The following ZNF398 variants were observed in gnomAD, a reference collection of about 807,000 sequenced individuals.
ZNF398 encodes zinc finger DNA binding protein ZER6.
A neutral mutation model predicts 41.9 loss-of-function variants in ZNF398; 18 were observed. The observed-to-expected ratio is 0.43, with a 90% CI of 0.30 to 0.64. ZNF398 has a LOEUF of 0.64. ZNF398 is among the 30% of genes least tolerant of loss of function. ZNF398 has a pLI of 0.14. For synonymous variants in ZNF398, 260 were observed against 308.8 expected (o/e 0.84, Z 1.66); for missense variants, 669 against 822.8 (o/e 0.81, Z 2.29).
At chr7:149,165,436 C>T (rs948644157) in intron 2 of ZNF398, among the ~76,000 whole-genome samples, 1 of 152,234 alleles carries the variant, frequency 6.6e-6, no homozygotes. Context: ...GGAAATCTTG[C>T]CGTGAAAACA....
chr7:149,160,526 A>G (rs987748127), intron 2 of ZNF398, among the ~76,000 whole-genome samples: 4 of 152,142 alleles, frequency 2.6e-5, no homozygotes, highest in Non-Finnish European at 4.4e-5. Context: ...TGTTTTCTCC[A>G]TTCCCATTAG....
At chr7:149,163,385 T>TTTTTTG (rs1246818725) in intron 2 of ZNF398, among the ~76,000 whole-genome samples, 2 of 151,294 alleles carry the variant, frequency 1.3e-5, no homozygotes, top group African/African-American at 4.9e-5. Context: ...TTTTTTTTTT[T>TTTTTTG]TTTTGAGATG....
rs767238632 is a variant in ZNF398, at chr7:149,166,922, C to T, written c.653C>T (p.Pro218Leu). 6.2e-7 allele frequency: 1 copy of T among 1,607,470 alleles called. No homozygotes were observed. The highest frequency in any genetic ancestry group is 8.5e-7 in the Non-Finnish European group (1 of 1,175,366). The change falls in exon 4 of 6, where the codon CCC (proline) becomes CTC (leucine). Residue 218 changes from proline (P) to leucine (L), a missense_variant. Around this residue, in one of 3 missense-constraint regions of ZNF398, gnomAD observed 290 missense variants for 292.9 expected, o/e 0.99. Transcript: ENST00000475153. ...GAGGAAAGTGAGATTCCCACAGACC[C>T]CAGTGAAGGTAAGTGGGAGAAGAGA... ...GPEESEIPTD[P>L]SEEPGISTSD... is the part of the protein sequence containing the mutation.
intron 4 of ZNF398, among the ~76,000 whole-genome samples, chr7:149,173,838 G>A (rs1795406346): frequency 7.1e-6 from 1 of 140,430 alleles, no homozygotes; most frequent in Non-Finnish European, 1.5e-5. Flanking sequence ...TTGTTGCCCA[G>A]GCAGGAGTGC....
At position 149,178,844 on chromosome 7, in the gene ZNF398, G is replaced by C. The variant is rs1563167600; in HGVS notation, c.972G>C (p.Val324=). The change falls in exon 6 of 6, where the codon GTG becomes GTC. Residue 324 remains valine, a synonymous_variant. Transcript: ENST00000475153. ...TGCCTGAAGCCTCTGAGGGACAAGTGACTTTTACTCAGTTGGGTAGCTATC... is the reference window on the plus strand; with the variant it reads ...TGCCTGAAGCCTCTGAGGGACAAGTCACTTTTACTCAGTTGGGTAGCTATC... The part of the protein sequence containing the change: ...TDLPEASEGQ[V]TFTQLGSYPL... 6.2e-7 allele frequency: 1 copy of C among 1,614,164 alleles called. No individual in the cohort carries two copies. Among genetic ancestry groups the C allele is most frequent in the East Asian group, 2.2e-5 (1 of 44,880 alleles).
At chr7:149,147,295 C>T (rs1826967784), upstream of ZNF398, 1 of 152,332 alleles carries the variant, frequency 6.6e-6, no homozygotes, top group South Asian at 2.1e-4. The surrounding 1 kb of genome is among the most constrained non-coding windows in gnomAD (Gnocchi z 5.6). Context: ...ACGTGGGCCC[C>T]AAATAACAAC....
chr7:149,127,815 TA>T (rs1826518082), intron 1 of ZNF398, among the ~76,000 whole-genome samples: 1 of 152,118 alleles, frequency 6.6e-6, no homozygotes, highest in Non-Finnish European at 1.5e-5. Flanking sequence ...GTAACCACTG[TA>T]ACCAGGATAC....
intron 5 of ZNF398, among the ~76,000 whole-genome samples, chr7:149,177,392 G>C (rs1189508199): frequency 1.3e-5 from 2 of 152,198 alleles, no homozygotes; most frequent in Admixed American, 1.3e-4. Context: ...TCGAGCCCAG[G>C]AGTTCAAGAC....
chr7:149,173,091 C>CTTTTTTTTTTTTTTTTT (rs1795382614), intron 4 of ZNF398, among the ~76,000 whole-genome samples: 3 of 67,180 alleles, frequency 4.5e-5, no homozygotes, highest in African/African-American at 1.6e-4. Context: ...GTGGCAATTT[C>CTTTTTTTTTTTTTTTTT]TATTTTTTTT....
chr7:149,155,722 T>TATTTTTA, intron 2 of ZNF398, among the ~76,000 whole-genome samples: 1 of 73,596 alleles, frequency 1.4e-5, no homozygotes, highest in Non-Finnish European at 2.6e-5. Context: ...TTTTTTTTTT[T>TATTTTTA]TTTTTTTAAT....
intron 4 of ZNF398, 93 bp from the exon 5 acceptor site, chr7:149,176,375 G>A: frequency 1.1e-6 from 1 of 876,904 alleles, no homozygotes. Context: ...AAAAATATTT[G>A]GGGCAAAATA....
chr7:149,176,907 G>A (rs1233824031), intron 5 of ZNF398, among the ~76,000 whole-genome samples: 3 of 152,158 alleles, frequency 2.0e-5, no homozygotes, highest in South Asian at 4.1e-4. Context: ...ACGTGGGAGT[G>A]GGGTGGGGAG....
chr7:149,169,433 G>A (rs1016084824), intron 4 of ZNF398, among the ~76,000 whole-genome samples: 3 of 152,004 alleles, frequency 2.0e-5, no homozygotes, highest in Non-Finnish European at 2.9e-5. Flanking sequence ...AATTTCTTTC[G>A]TTTGTTTGTT....
intron 2 of ZNF398, among the ~76,000 whole-genome samples, chr7:149,133,719 G>GTA (rs1213239004): frequency 3.1e-4 from 22 of 71,280 alleles, no homozygotes; most frequent in African/African-American, 1.1e-3. Context: ...ACATATATAT[G>GTA]TATATATATA....
At chr7:149,127,400 A>C (rs1013427837) in intron 1 of ZNF398, among the ~76,000 whole-genome samples, 8 of 151,682 alleles carry the variant, frequency 5.3e-5, no homozygotes, top group African/African-American at 1.7e-4. Flanking sequence ...AAAAAAAAAA[A>C]ACCTTACATT....
At chr7:149,157,537 A>AG (rs946006730) in intron 2 of ZNF398, among the ~76,000 whole-genome samples, 1 of 139,726 alleles carries the variant, frequency 7.2e-6, no homozygotes, top group Non-Finnish European at 1.5e-5. Context: ...TCTCAAAAAA[A>AG]AAAAAAGAAA....
intron 3 of ZNF398, 59 bp downstream of exon 3, chr7:149,166,343 C>G (rs1795225937): frequency 6.3e-7 from 1 of 1,598,190 alleles, no homozygotes; most frequent in African/African-American, 1.3e-5. Context: ...GGGCTCAGAA[C>G]AGTCCCTTTT....
chr7:149,169,567 G>A lies in ZNF398; in HGVS notation c.661+2637G>A, dbSNP rs1795288852. ...CCTGGGCCCAAGCCATCCTCCCATC[G>A]CAGCCTCCCAAGTAGCTGGGACTAC... is the stretch of plus-strand genomic sequence containing the variant. On this transcript the variant is annotated intron_variant, in intron 4 of 5. Transcript: ENST00000475153. Among the ~76,000 whole-genome samples, 3 of 151,412 alleles carry A rather than the reference G, an allele frequency of 2.0e-5. No individual in the cohort carries two copies. In the South Asian group the frequency reaches 6.3e-4, roughly 32 times the overall value.
intron 1 of ZNF398, among the ~76,000 whole-genome samples, chr7:149,150,318 G>C (rs1271308698): frequency 6.6e-6 from 1 of 152,108 alleles, no homozygotes; most frequent in Non-Finnish European, 1.5e-5. Context: ...AAAATCTCAG[G>C]CTGTGTACCA....
Sources: allele counts gnomAD v4.1 joint callset (sites outside exome capture counted in the v4.1 genomes callset), GRCh38; gene constraint gnomAD v4.1.1; regional missense constraint gnomAD v4.1.1; non-coding constraint Gnocchi (gnomAD v3.1); transcripts MANE v1.5; gene names NCBI Gene and HGNC (gene_info 2026-07-23, HGNC 2026-07-21).